FGF14: variants seen among roughly 807,000 people sequenced by gnomAD.
FGF14 encodes the protein fibroblast growth factor homologous factor 4.
In FGF14, 5 loss-of-function variants were observed where a neutral mutation model predicts 25.5. The observed-to-expected ratio is 0.20, with a 90% CI of 0.10 to 0.41. The LOEUF (loss-of-function observed/expected upper bound fraction) is 0.41. FGF14 is among the 10% of genes least tolerant of loss of function. FGF14 has a pLI of 1.00. For missense variants in FGF14, 222 were observed against 320.1 expected (o/e 0.69, Z 2.34); for synonymous variants, 138 against 118.3 (o/e 1.17, Z -1.08).
chr13:102,260,478 A>G (rs2052665902), intron 1 of FGF14, among the ~76,000 whole-genome samples: 1 of 152,236 alleles, frequency 6.6e-6, no homozygotes, highest in South Asian at 2.1e-4. Flanking sequence ...CTGAGCTTTC[A>G]TGATGGTTCC....
chr13:102,071,294 G>A (rs1281716065), intron 1 of FGF14, among the ~76,000 whole-genome samples: 2 of 152,080 alleles, frequency 1.3e-5, no homozygotes, highest in Non-Finnish European at 2.9e-5. Flanking sequence ...GATAAGCAAA[G>A]GAAAAACTAC....
chr13:101,867,865 C>G (rs1306414795), intron 3 of FGF14, among the ~76,000 whole-genome samples: 1 of 149,846 alleles, frequency 6.7e-6, no homozygotes, highest in Non-Finnish European at 1.5e-5. Flanking sequence ...TCTGGGAGGC[C>G]CCCTGGAGAA....
chr13:101,714,760 T>C lies in FGF14; in HGVS notation c.*8071A>G. 1 of 541,376 alleles carries C rather than the reference T, an allele frequency of 1.8e-6. No homozygotes were observed. Among genetic ancestry groups the C allele is most frequent in the South Asian group, 2.7e-5 (1 of 37,010 alleles). 33.5% of individuals were successfully genotyped at this position (541,376 alleles called of 1,614,324 possible). A position where few individuals can be genotyped will look rare whatever the true frequency, so the allele number is the denominator to read the frequency against. On this transcript the variant is annotated 3_prime_UTR_variant, in exon 5 of 5. Transcript: ENST00000376143. The stretch of plus-strand genomic sequence containing the variant: ...ATAGAAGAATACAAGAGAATGAAGC[T>C]AAATTTTGTGATTATTTGGGATCCT...
upstream of FGF14, among the ~76,000 whole-genome samples, chr13:101,919,033 C>T (rs542394734): frequency 6.6e-6 from 1 of 152,230 alleles, no homozygotes; most frequent in South Asian, 2.1e-4. Flanking sequence ...TTTCATATGT[C>T]TCTTTTCTTC....
intron 3 of FGF14, among the ~76,000 whole-genome samples, chr13:101,814,950 A>C (rs978245275): frequency 6.6e-6 from 1 of 151,908 alleles, no homozygotes; most frequent in Non-Finnish European, 1.5e-5. Flanking sequence ...ATAAAACCAA[A>C]CAATAACAAT....
At position 102,385,292 on chromosome 13, in the gene FGF14, A is replaced by G. The variant is rs1329182956; in HGVS notation, c.208+16179T>C. 2.6e-5 allele frequency among the ~76,000 whole-genome samples: 4 copies of G among 152,224 alleles called. No homozygotes were observed. In the East Asian group the frequency reaches 7.7e-4, roughly 29 times the overall value. On this transcript the variant is annotated intron_variant, in intron 1 of 4. Transcript: ENST00000376131. ...ACCCTGAACCTATAGAAGAACCTAT[A>G]ATGTAACTTAAATATACCACACATT...
chr13:101,794,526 G>A (rs1478153653), intron 3 of FGF14, among the ~76,000 whole-genome samples: 1 of 151,964 alleles, frequency 6.6e-6, no homozygotes, highest in Non-Finnish European at 1.5e-5. Context: ...TAATATCACA[G>A]ACAGGGCTTC....
chr13:101,788,872 CTATATATATATATATATATATATA>C (rs56084859), intron 3 of FGF14, among the ~76,000 whole-genome samples: 6 of 26,406 alleles, frequency 2.3e-4, no homozygotes, highest in Non-Finnish European at 3.9e-4. Context: ...CCTTTTTTGA[CTATATATATATATATATATATATA>C]TATATATATA....
rs190523191 is a variant in FGF14 at position 102,146,486 on chromosome 13, C to G, written c.208+254985G>C. On this transcript the variant is annotated intron_variant, in intron 1 of 4. Coordinates refer to the FGF14 transcript ENST00000376131. Reference sequence around the variant, plus strand: ...GTCATTACTTTCCTAATTCGTTCAACCAATACTTTTGAAGCTGCCTTTATA... The same window carrying G: ...GTCATTACTTTCCTAATTCGTTCAAGCAATACTTTTGAAGCTGCCTTTATA... 2.0e-5 allele frequency among the ~76,000 whole-genome samples: 3 copies of G among 152,118 alleles called. 1 individual carries two copies. Among genetic ancestry groups the G allele is most frequent in the African/African-American group, 7.2e-5 (3 of 41,420 alleles).
At chr13:102,286,990 G>A (rs1334342905) in intron 1 of FGF14, among the ~76,000 whole-genome samples, 1 of 151,956 alleles carries the variant, frequency 6.6e-6, no homozygotes, top group African/African-American at 2.4e-5. Context: ...GGGGGAGGGG[G>A]AGGGGGAGGG....
chr13:101,794,470 G>A (rs980804934), intron 3 of FGF14, among the ~76,000 whole-genome samples: 1 of 151,996 alleles, frequency 6.6e-6, no homozygotes, highest in Non-Finnish European at 1.5e-5. Context: ...CACTGCCAGC[G>A]GTCCCTTTTT....
chr13:102,022,521 A>G (rs1242293075), intron 1 of FGF14, among the ~76,000 whole-genome samples: 1 of 152,006 alleles, frequency 6.6e-6, no homozygotes, highest in Non-Finnish European at 1.5e-5. Context: ...GAGGAACCCA[A>G]TCTTGCTGAA....
chr13:102,151,981 G>A (rs549632916), intron 1 of FGF14, among the ~76,000 whole-genome samples: 23 of 152,152 alleles, frequency 1.5e-4, no homozygotes, highest in Admixed American at 1.2e-3. Context: ...TTACTGCTGA[G>A]GAGATTTCCA....
intron 1 of FGF14, among the ~76,000 whole-genome samples, chr13:101,889,820 A>G (rs945085643): frequency 2.6e-5 from 4 of 152,224 alleles, no homozygotes; most frequent in African/African-American, 7.2e-5. Flanking sequence ...CAACCTCTAC[A>G]TGTTTCAGGC....
At chr13:102,074,120 T>C (rs1595181548) in intron 1 of FGF14, among the ~76,000 whole-genome samples, 1 of 152,270 alleles carries the variant, frequency 6.6e-6, no homozygotes, top group South Asian at 2.1e-4. Flanking sequence ...TGAGCATTCC[T>C]AACACCTCAG....
chr13:102,173,908 G>C (rs1045480236), intron 1 of FGF14, among the ~76,000 whole-genome samples: 4 of 152,078 alleles, frequency 2.6e-5, no homozygotes, highest in African/African-American at 9.7e-5. Context: ...TCTCACCAAT[G>C]CTATTCAGTA....
intron 1 of FGF14, among the ~76,000 whole-genome samples, chr13:102,280,161 C>T (rs1378374274): frequency 1.3e-5 from 2 of 152,192 alleles, no homozygotes; most frequent in Non-Finnish European, 2.9e-5. Context: ...TCTCAGACCA[C>T]ATGCTGCAGG....
At chr13:101,937,183 G>A (rs573557861) in intron 1 of FGF14, among the ~76,000 whole-genome samples, 1 of 152,274 alleles carries the variant, frequency 6.6e-6, no homozygotes, top group East Asian at 1.9e-4. Flanking sequence ...ATGGATTAGT[G>A]GAACTAATTG....
At chr13:102,118,431 C>A (rs1390392079) in intron 1 of FGF14, among the ~76,000 whole-genome samples, 1 of 151,890 alleles carries the variant, frequency 6.6e-6, no homozygotes, top group African/African-American at 2.4e-5. Context: ...CAATAAAAGC[C>A]TCTATCACCC....
Sources: gnomAD v4.1 joint callset for allele counts (sites outside exome capture counted in the v4.1 genomes callset) on GRCh38, gnomAD v4.1.1 for gene constraint, MANE v1.5 for transcripts, NCBI Gene and HGNC (gene_info 2026-07-23, HGNC 2026-07-21) for gene names.